MTIF3: variants seen among roughly 807,000 people sequenced by gnomAD.
MTIF3 encodes translation initiation factor IF-3, mitochondrial.
Under a neutral mutation model 20.7 loss-of-function variants are expected in MTIF3, and 13 were observed. The ratio of observed to expected loss-of-function variants is 0.63; its 90% confidence interval spans 0.41 to 1.00. The LOEUF (loss-of-function observed/expected upper bound fraction) is 1.00. Ranked by LOEUF, MTIF3 falls within the 50% of genes least tolerant of loss-of-function variation. MTIF3 has a pLI of 0.00. For synonymous variants in MTIF3, 114 were observed against 112.5 expected, an observed-to-expected ratio of 1.01 and a Z score of -0.08; for missense variants, 295 against 324.5, an observed-to-expected ratio of 0.91 and a Z score of 0.70.
chr13:27,449,786 G>A (rs1954299276), intron 1 of MTIF3: 1 of 152,240 alleles, frequency 6.6e-6, no homozygotes. Flanking sequence ...ATGAATAGTA[G>A]TCGATTTTCA....
At chr13:27,439,864 G>C (rs1469744327) in intron 3 of MTIF3, 125 bp downstream of exon 3, 16 of 798,396 alleles carry the variant, frequency 2.0e-5, no homozygotes, top group Non-Finnish European at 3.0e-5. Context: ...GGGAATGGTG[G>C]TTGAATCATG....
chr13:27,444,286 C>T (rs1359858147), intron 2 of MTIF3, among the ~76,000 whole-genome samples: 1 of 149,664 alleles, frequency 6.7e-6, no homozygotes, highest in Non-Finnish European at 1.5e-5. Flanking sequence ...GCCTGGGCGA[C>T]AGAGCGAGAC....
rs550199039 is a variant in MTIF3, at chr13:27,450,509, C to G, written c.-71G>C. On this transcript the variant is annotated splice_region_variant and 5_prime_UTR_variant, in exon 1 of 5. Coordinates refer to ENST00000381120, the MANE Select transcript of MTIF3 (RefSeq NM_152912.5). ...CCGCACGCCTCATATTTAGCATTAC[C>G]TGTGCTGGGGCAAGCGATTGACATA... The G allele has an allele frequency of 6.6e-6, 1 of 152,384 alleles. No individual in the cohort carries two copies. Among genetic ancestry groups the G allele is most frequent in the South Asian group, 2.1e-4 (1 of 4,838 alleles). 9.4% of individuals were successfully genotyped at this position (152,384 alleles called of 1,614,324 possible).
At chr13:27,436,410 A>T (rs186724585) in intron 4 of MTIF3, among the ~76,000 whole-genome samples, 27 of 133,318 alleles carry the variant, frequency 2.0e-4, no homozygotes, top group African/African-American at 4.3e-4. Flanking sequence ...TCTAACTTTT[A>T]AAAAAAAAAA....
At position 27,438,223 on chromosome 13, in the gene MTIF3, C is replaced by T. The variant is rs117205991; in HGVS notation, c.461-950G>A. 7.4e-3 allele frequency among the ~76,000 whole-genome samples: 1,100 copies of T among 149,620 alleles called. 34 individuals are homozygous for T. Among genetic ancestry groups the T allele is most frequent in the East Asian group, 0.055 (274 of 5,018 alleles). The stretch of plus-strand genomic sequence containing the variant: ...AGATTGGGGGCCAGGTGTGCTGGCT[C>T]ACGCCTATAATCCCAGCACTTTGGG... On this transcript the variant is annotated intron_variant, in intron 3 of 4. Transcript: ENST00000381120.
rs1420422918 is a variant in MTIF3, at chr13:27,436,035, C to T, written c.619-142G>A. Reference sequence around the variant, plus strand: ...GATTAGCTAATCAGTTCATACGTATCTGGTTAAGTTGACTGAAATCTGTAC... The same window carrying T: ...GATTAGCTAATCAGTTCATACGTATTTGGTTAAGTTGACTGAAATCTGTAC... On this transcript the variant is annotated intron_variant, in intron 4 of 4. Coordinates refer to ENST00000381120, the MANE Select transcript of MTIF3 (RefSeq NM_152912.5). 7 of 635,474 alleles carry T rather than the reference C, an allele frequency of 1.1e-5. No individual in the cohort carries two copies. In the African/African-American group the frequency reaches 1.3e-4, roughly 12 times the overall value. 39.4% of individuals were successfully genotyped at this position (635,474 alleles called of 1,614,324 possible).
intron 3 of MTIF3, among the ~76,000 whole-genome samples, chr13:27,438,342 A>AAAAG (rs55756090): frequency 1.3e-5 from 2 of 148,900 alleles, no homozygotes. Context: ...AAAAAAAAAA[A>AAAAG]GGCCAGGCAT....
At chr13:27,440,581 T>C (rs1315736905) in intron 2 of MTIF3, 132 bp from the exon 3 acceptor site, 2 of 700,630 alleles carry the variant, frequency 2.9e-6, no homozygotes, top group South Asian at 2.0e-5. Flanking sequence ...TGCTGTTCTC[T>C]AGACTTTCAG....
At chr13:27,449,393 T>A (rs901562316) in intron 1 of MTIF3, among the ~76,000 whole-genome samples, 4 of 152,206 alleles carry the variant, frequency 2.6e-5, no homozygotes, top group Admixed American at 2.6e-4. Context: ...TCACCTTAAA[T>A]AAAACTGCCC....
chr13:27,443,111 C>T (rs1954058417), intron 2 of MTIF3, among the ~76,000 whole-genome samples: 1 of 152,222 alleles, frequency 6.6e-6, no homozygotes, highest in South Asian at 2.1e-4. Flanking sequence ...ACATTTCTAG[C>T]TGGCATTTCA....
chr13:27,442,095 G>A (rs1049822365), intron 2 of MTIF3, among the ~76,000 whole-genome samples: 1 of 152,170 alleles, frequency 6.6e-6, no homozygotes, highest in Non-Finnish European at 1.5e-5. Flanking sequence ...TCTCCACTTA[G>A]ATATGTAATA....
At chr13:27,439,265 G>A (rs1203100182) in intron 3 of MTIF3, among the ~76,000 whole-genome samples, 1 of 152,206 alleles carries the variant, frequency 6.6e-6, no homozygotes, top group Non-Finnish European at 1.5e-5. Context: ...GGAGGCCGAG[G>A]AGGGCAGATC....
intron 2 of MTIF3, among the ~76,000 whole-genome samples, chr13:27,444,304 C>CA (rs900776253): frequency 1.0e-4 from 13 of 125,390 alleles, no homozygotes; most frequent in African/African-American, 2.1e-4. Context: ...GACTCTGTCT[C>CA]AAAAAAAACG....
At chr13:27,442,452 A>T (rs560951564) in intron 2 of MTIF3, among the ~76,000 whole-genome samples, 1 of 152,262 alleles carries the variant, frequency 6.6e-6, no homozygotes, top group East Asian at 1.9e-4. Context: ...GCTAGGGCAC[A>T]CAGAGCAATC....
chr13:27,436,834 C>G (rs1953782989), intron 4 of MTIF3, among the ~76,000 whole-genome samples: 1 of 144,530 alleles, frequency 6.9e-6, no homozygotes, highest in Admixed American at 7.2e-5. Flanking sequence ...TCACTGCAAG[C>G]TCCGCCTCCC....
rs1953943559 is a variant in MTIF3 at position 27,440,071 on chromosome 13, T to G, written c.378A>C (p.Ala126=). The change falls in exon 3 of 5, where the codon GCA becomes GCC. Residue 126 remains alanine, a synonymous_variant. Coordinates refer to ENST00000381120, the MANE Select transcript of MTIF3 (RefSeq NM_152912.5). ...GCAATCCTGTCATGAGCTGATACTC[T>G]GCAGGTTCTGTGCTGGTGTTCCTTT... is the stretch of plus-strand genomic sequence containing the variant. ...LVQRNTSTEP[A]EYQLMTGLQI... is the part of the protein sequence containing the mutation. 1.2e-6 allele frequency: 2 copies of G among 1,614,122 alleles called. No individual in the cohort carries two copies. The highest frequency in any genetic ancestry group is 2.7e-5 in the African/African-American group (2 of 74,948).
chr13:27,438,988 G>A lies in MTIF3; in HGVS notation c.460+1001C>T, dbSNP rs116520093. 9.4e-3 allele frequency among the ~76,000 whole-genome samples: 1,428 copies of A among 152,242 alleles called. 24 individuals carry two copies. The highest frequency in any genetic ancestry group is 0.031 in the African/African-American group (1,267 of 41,526). On this transcript the variant is annotated intron_variant, in intron 3 of 4. Transcript: ENST00000381120. ...GAGCAGTCATCTGATGCCTGTCCCC[G>A]TGCGCCATCCATTGAACTTTCATAA...
At chr13:27,446,002 A>G (rs1954170714) in intron 1 of MTIF3, among the ~76,000 whole-genome samples, 1 of 152,128 alleles carries the variant, frequency 6.6e-6, no homozygotes, top group African/African-American at 2.4e-5. Flanking sequence ...GAATGAGGGG[A>G]AAATCTGAAT....
chr13:27,448,769 G>A (rs897415079), intron 1 of MTIF3, among the ~76,000 whole-genome samples: 5 of 152,228 alleles, frequency 3.3e-5, no homozygotes, highest in African/African-American at 1.2e-4. Context: ...CGGGCACGGT[G>A]GCTCACGCCT....
Sources: gnomAD v4.1 joint callset for allele counts (sites outside exome capture counted in the v4.1 genomes callset) on GRCh38, gnomAD v4.1.1 for gene constraint, MANE v1.5 for transcripts, NCBI Gene and HGNC (gene_info 2026-07-23, HGNC 2026-07-21) for gene names.